Variants in TSHZ2 observed in about 807,000 individuals in gnomAD.
TSHZ2 encodes the protein teashirt zinc finger homeobox 2, also known as teashirt homolog 2.
TSHZ2 carries 21 observed loss-of-function variants against 74.4 expected under a neutral mutation model. That is an observed-to-expected ratio of 0.28 (90% CI 0.20 to 0.41). The LOEUF (loss-of-function observed/expected upper bound fraction) is 0.41. Ranked by LOEUF, TSHZ2 falls within the 10% of genes least tolerant of loss-of-function variation. The pLI is 1.00. For missense variants in TSHZ2, 1,244 were observed against 1,293.5 expected (o/e 0.96, Z 0.59); for synonymous variants, 540 against 515.3 (o/e 1.05, Z -0.65).
At chr20:53,235,301 G>A (rs768394893) in intron 1 of TSHZ2, among the ~76,000 whole-genome samples, 1 of 152,010 alleles carries the variant, frequency 6.6e-6, no homozygotes, top group African/African-American at 2.4e-5. Flanking sequence ...CCAAGTAGCT[G>A]GGATTACAGG....
chr20:53,187,321 G>T (rs1988623877), intron 1 of TSHZ2, among the ~76,000 whole-genome samples: 1 of 152,124 alleles, frequency 6.6e-6, no homozygotes, highest in South Asian at 2.1e-4. Context: ...TTGTGTATAG[G>T]TTAGGCCCCA....
At chr20:53,082,351 C>T (rs1985563775) in intron 1 of TSHZ2, among the ~76,000 whole-genome samples, 1 of 152,100 alleles carries the variant, frequency 6.6e-6, no homozygotes, top group South Asian at 2.1e-4. Context: ...GTGGTCGAGC[C>T]ATAATAAAGA....
intron 1 of TSHZ2, among the ~76,000 whole-genome samples, chr20:52,996,871 C>T (rs1982216084): frequency 6.6e-6 from 1 of 152,138 alleles, no homozygotes; most frequent in Non-Finnish European, 1.5e-5. Context: ...ATATGTAATA[C>T]TCTGTGGAAA....
intron 1 of TSHZ2, among the ~76,000 whole-genome samples, chr20:53,121,438 C>G (rs1384113163): frequency 1.5e-5 from 1 of 68,146 alleles, no homozygotes; most frequent in Non-Finnish European, 2.9e-5. Context: ...ATGTTTCAGT[C>G]CACTCTGAAC....
At chr20:53,320,474 T>C (rs1439449534) in intron 2 of TSHZ2, among the ~76,000 whole-genome samples, 1 of 152,216 alleles carries the variant, frequency 6.6e-6, no homozygotes, top group Non-Finnish European at 1.5e-5. Flanking sequence ...ATGAACACTT[T>C]GTAAAACCAC....
chr20:53,422,956 A>G (rs1983529826), intron 2 of TSHZ2, among the ~76,000 whole-genome samples: 1 of 152,162 alleles, frequency 6.6e-6, no homozygotes, highest in Admixed American at 6.5e-5. Context: ...GGCATTACCT[A>G]CTTAACTCCT....
intron 1 of TSHZ2, among the ~76,000 whole-genome samples, chr20:53,041,046 G>T (rs188936806): frequency 6.6e-6 from 1 of 152,202 alleles, no homozygotes; most frequent in Non-Finnish European, 1.5e-5. Flanking sequence ...AAGCTGAGCC[G>T]TCTCCTAAGT....
intron 1 of TSHZ2, among the ~76,000 whole-genome samples, chr20:53,135,007 G>GACACACACACACACAC (rs139347142): frequency 1.8e-4 from 27 of 148,718 alleles, no homozygotes; most frequent in South Asian, 1.3e-3. Context: ...TGCACATGCA[G>GACACACACACACACAC]ACACACACAC....
At chr20:53,175,161 A>C (rs922644002) in intron 1 of TSHZ2, among the ~76,000 whole-genome samples, 2 of 48,344 alleles carry the variant, frequency 4.1e-5, no homozygotes, top group Non-Finnish European at 7.6e-5. Flanking sequence ...TTTTTTTTTC[A>C]ACGGAGTTTT....
intron 1 of TSHZ2, among the ~76,000 whole-genome samples, chr20:53,239,296 G>C (rs774675784): frequency 4.7e-4 from 71 of 152,136 alleles, no homozygotes; most frequent in Non-Finnish European, 2.4e-4. Flanking sequence ...TGTCCTCTCA[G>C]GAAGCTGGGA....
At chr20:53,393,295 G>C (rs1982328216) in intron 2 of TSHZ2, among the ~76,000 whole-genome samples, 1 of 152,180 alleles carries the variant, frequency 6.6e-6, no homozygotes, top group African/African-American at 2.4e-5. Flanking sequence ...AATCCGCTTA[G>C]TATAATGACC....
rs568730382 is a variant in TSHZ2 at position 53,070,771 on chromosome 20, A to G, written c.40+97438A>G. On this transcript the variant is annotated intron_variant, in intron 1 of 2. Coordinates refer to ENST00000371497, the MANE Select transcript of TSHZ2 (RefSeq NM_173485.6). ...ATATAGGTTTCAGAAAACGGTTGTT[A>G]CTGAGGAAGAGCCTTTTTCTGTTTA... 1.4e-4 allele frequency among the ~76,000 whole-genome samples: 22 copies of G among 152,346 alleles called. No individual in the cohort carries two copies. The South Asian group carries it at 3.9e-3, about 27-fold the overall frequency.
chr20:53,309,057 A>G (rs1224007841), intron 2 of TSHZ2, among the ~76,000 whole-genome samples: 1 of 152,244 alleles, frequency 6.6e-6, no homozygotes, highest in Non-Finnish European at 1.5e-5. Flanking sequence ...GCCAACAGGC[A>G]AGACAGAGCA....
At chr20:53,038,725 T>C (rs1033984045) in intron 1 of TSHZ2, among the ~76,000 whole-genome samples, 9 of 152,134 alleles carry the variant, frequency 5.9e-5, no homozygotes, top group African/African-American at 2.2e-4. Context: ...CTGTACCAGG[T>C]GTGAATAAAA....
At chr20:53,279,012 G>A (rs1223914582) in intron 2 of TSHZ2, among the ~76,000 whole-genome samples, 1 of 152,208 alleles carries the variant, frequency 6.6e-6, no homozygotes, top group Non-Finnish European at 1.5e-5. Flanking sequence ...TATATACAAT[G>A]TTCTTACAAT....
intron 1 of TSHZ2, among the ~76,000 whole-genome samples, chr20:53,136,940 T>C (rs1215720037): frequency 6.6e-6 from 1 of 152,178 alleles, no homozygotes; most frequent in Non-Finnish European, 1.5e-5. Flanking sequence ...CGATCTTACA[T>C]ACAGAAGCAA....
chr20:53,318,037 G>T (rs1267299581), intron 2 of TSHZ2, among the ~76,000 whole-genome samples: 2 of 152,168 alleles, frequency 1.3e-5, no homozygotes, highest in African/African-American at 4.8e-5. Flanking sequence ...TGTAGTAGGG[G>T]TTCAGCCAGT....
At chr20:53,402,312 T>C (rs1292023106) in intron 2 of TSHZ2, among the ~76,000 whole-genome samples, 1 of 152,220 alleles carries the variant, frequency 6.6e-6, no homozygotes, top group Non-Finnish European at 1.5e-5. Context: ...ACATTCCCAC[T>C]GGCAGCATAA....
At chr20:53,155,720 G>A (rs755641152) in intron 1 of TSHZ2, among the ~76,000 whole-genome samples, 2 of 152,046 alleles carry the variant, frequency 1.3e-5, no homozygotes, top group Non-Finnish European at 2.9e-5. Flanking sequence ...TTAAAACCCC[G>A]CTTACTAGGG....
Sources: allele counts gnomAD v4.1 joint callset (sites outside exome capture counted in the v4.1 genomes callset), GRCh38; gene constraint gnomAD v4.1.1; transcripts MANE v1.5; gene names NCBI Gene and HGNC (gene_info 2026-07-23, HGNC 2026-07-21).